The following EYS variants were observed in gnomAD, a reference collection of about 807,000 sequenced individuals.
The protein encoded by EYS is protein eyes shut homolog.
EYS carries 250 observed loss-of-function variants against 282.1 expected under a neutral mutation model. The observed-to-expected ratio is 0.89, with a 90% CI of 0.80 to 0.98. The LOEUF (loss-of-function observed/expected upper bound fraction) is 0.98. Ranked by LOEUF, EYS falls within the 50% of genes least tolerant of loss-of-function variation. EYS has a pLI of 0.00. For synonymous variants in EYS, 1,355 were observed against 1,282.9 expected (o/e 1.06, Z -1.20); for missense variants, 4,016 against 3,709.0 (o/e 1.08, Z -2.15).
intron 26 of EYS, among the ~76,000 whole-genome samples, chr6:64,536,622 A>G (rs1025952297): frequency 1.6e-4 from 24 of 152,236 alleles, no homozygotes; most frequent in African/African-American, 5.5e-4. Context: ...AAATTTGGGT[A>G]ATGCATAGGG....
At chr6:64,835,249 A>G (rs2023535) in intron 19 of EYS, among the ~76,000 whole-genome samples, 23,110 of 151,688 alleles carry the variant, frequency 0.15, 2,000 homozygotes, top group East Asian at 0.43. Flanking sequence ...CCATCACACC[A>G]CTGGAAAGGT....
chr6:64,485,827 C>A (rs1469898545), intron 26 of EYS, among the ~76,000 whole-genome samples: 1 of 151,126 alleles, frequency 6.6e-6, no homozygotes, highest in Non-Finnish European at 1.5e-5. Context: ...ATTATTGGGC[C>A]TAAGGGTTAT....
At position 63,924,981 on chromosome 6, in the gene EYS, C is replaced by T. The variant is rs185985427; in HGVS notation, c.7055+59402G>A. Among the ~76,000 whole-genome samples, 6 of 152,260 alleles carry T rather than the reference C, an allele frequency of 3.9e-5. No homozygotes were observed. The East Asian group carries it at 1.2e-3, about 29-fold the overall frequency. On this transcript the variant is annotated intron_variant, in intron 35 of 42. Coordinates refer to ENST00000503581, the MANE Select transcript of EYS (RefSeq NM_001142800.2). ...ACTACCCGCAACATTGACACAGGAC[C>T]TAAGCACATAAAACAAGCTCGTTCA... is the stretch of plus-strand genomic sequence containing the variant.
At chr6:64,706,022 A>T (rs1490722145) in intron 22 of EYS, among the ~76,000 whole-genome samples, 1 of 150,712 alleles carries the variant, frequency 6.6e-6, no homozygotes, top group African/African-American at 2.4e-5. Context: ...ATTATTCAAA[A>T]AAAAAAAAGC....
intron 15 of EYS, among the ~76,000 whole-genome samples, chr6:64,940,473 A>C (rs1769052685): frequency 6.6e-6 from 1 of 152,102 alleles, no homozygotes; most frequent in Non-Finnish European, 1.5e-5. Context: ...TAATGTAAGA[A>C]AAATAAAACA....
chr6:64,838,898 C>T (rs781745813), intron 19 of EYS, among the ~76,000 whole-genome samples: 1 of 151,830 alleles, frequency 6.6e-6, no homozygotes, highest in Non-Finnish European at 1.5e-5. Flanking sequence ...AATATGAGCC[C>T]TAAGCAACTA....
intron 23 of EYS, among the ~76,000 whole-genome samples, chr6:64,619,484 A>G (rs6454921): frequency 0.95 from 144,631 of 151,952 alleles, 69,218 homozygotes; most frequent in East Asian, 1. Context: ...GTGAGCTAAC[A>G]GAAAAGTACC....
chr6:65,360,863 G>C (rs1562121628), intron 8 of EYS, among the ~76,000 whole-genome samples: 1 of 152,004 alleles, frequency 6.6e-6, no homozygotes, highest in Non-Finnish European at 1.5e-5. Context: ...AGAAGTAGTC[G>C]ACATAATCAC....
intron 35 of EYS, among the ~76,000 whole-genome samples, chr6:63,864,770 TC>T (rs1772631909): frequency 6.6e-6 from 1 of 152,186 alleles, no homozygotes; most frequent in African/African-American, 2.4e-5. Flanking sequence ...GTGATAAGCT[TC>T]CCCACTCTGA....
intron 12 of EYS, among the ~76,000 whole-genome samples, chr6:65,139,398 C>T (rs2150207601): frequency 6.6e-6 from 1 of 151,896 alleles, no homozygotes; most frequent in South Asian, 2.1e-4. Flanking sequence ...CCTATAGACA[C>T]AAAGAAGGGA....
chr6:64,779,111 T>TA (rs2149992022), intron 22 of EYS, among the ~76,000 whole-genome samples: 1 of 152,262 alleles, frequency 6.6e-6, no homozygotes, highest in Non-Finnish European at 1.5e-5. Flanking sequence ...AACATATTCT[T>TA]ACCATATAAT....
At position 64,593,289 on chromosome 6, in the gene EYS, A is replaced by G. The variant is rs1432552013; in HGVS notation, c.3705T>C (p.Leu1235=). 1 of 1,550,166 alleles carries G rather than the reference A, an allele frequency of 6.5e-7. No individual in the cohort carries two copies. Among genetic ancestry groups the G allele is most frequent in the African/African-American group, 1.4e-5 (1 of 72,934 alleles). Residue 1235 remains leucine (L), a synonymous_variant, in exon 25 of 43, where the codon CTT becomes CTC. Coordinates refer to ENST00000503581, the MANE Select transcript of EYS (RefSeq NM_001142800.2). Reference sequence around the variant, plus strand: ...TAATTCTCCTTATTTCATCACCACAAAGAAGCCCAATGGAGCAGGTCTGCA... The same window carrying G: ...TAATTCTCCTTATTTCATCACCACAGAGAAGCCCAATGGAGCAGGTCTGCA... ...PGFMTCSIGL[L]CGDEIRRITC...
At chr6:65,386,166 C>A (rs1357884650) in intron 7 of EYS, among the ~76,000 whole-genome samples, 1 of 147,160 alleles carries the variant, frequency 6.8e-6, no homozygotes. Context: ...CTAAACAGAG[C>A]AGGTTTTATT....
intron 1 of EYS, among the ~76,000 whole-genome samples, chr6:65,681,879 ATCATTAAG>A (rs1259199000): frequency 6.6e-6 from 1 of 151,880 alleles, no homozygotes; most frequent in Admixed American, 6.6e-5. Flanking sequence ...TAAAAATCTA[ATCATTAAG>A]AAATATAGTG....
chr6:65,085,788 T>C (rs1343492468), intron 12 of EYS, among the ~76,000 whole-genome samples: 2 of 152,144 alleles, frequency 1.3e-5, no homozygotes, highest in Non-Finnish European at 2.9e-5. Context: ...GCTTTTTGTT[T>C]AGTCAAATGG....
At chr6:64,386,318 G>C (rs755376869) in intron 29 of EYS, among the ~76,000 whole-genome samples, 33 of 152,320 alleles carry the variant, frequency 2.2e-4, no homozygotes, top group Admixed American at 5.9e-4. Context: ...AGGTTTAATT[G>C]ACTCACAGTT....
At chr6:64,029,571 A>G (rs1468174161) in intron 33 of EYS, among the ~76,000 whole-genome samples, 1 of 152,216 alleles carries the variant, frequency 6.6e-6, no homozygotes, top group East Asian at 1.9e-4. Context: ...TGGGGAACCA[A>G]TCGAGCATGA....
rs10589491 is a variant in EYS at position 64,248,183 on chromosome 6, T to TTGTGTG, written c.6192-17365_6192-17360dup. On this transcript the variant is annotated intron_variant, in intron 30 of 42. Transcript: ENST00000503581. ...GCAAGTGATTTGGTACAGAAGAAGC[T>TTGTGTG]TGTGTGTGTGTGTGTGTGTGTGTGT... Among the ~76,000 whole-genome samples the TTGTGTG allele has an allele frequency of 3.3e-3, 488 of 146,398 alleles. 4 individuals are homozygous for TTGTGTG. Among genetic ancestry groups the TTGTGTG allele is most frequent in the African/African-American group, 0.011 (429 of 39,678 alleles).
intron 22 of EYS, among the ~76,000 whole-genome samples, chr6:64,662,893 AC>A (rs1769093222): frequency 1.1e-5 from 1 of 87,566 alleles, no homozygotes; most frequent in Non-Finnish European, 2.3e-5. Context: ...ATATACCTCC[AC>A]CCCATTTTTG....
Sources: allele counts gnomAD v4.1 joint callset (sites outside exome capture counted in the v4.1 genomes callset), GRCh38; gene constraint gnomAD v4.1.1; transcripts MANE v1.5; gene names NCBI Gene and HGNC (gene_info 2026-07-23, HGNC 2026-07-21).